PLCH2: variants seen among roughly 807,000 people sequenced by gnomAD.
PLCH2 encodes phospholipase C eta 2.
PLCH2 carries 98 observed loss-of-function variants against 134.7 expected under a neutral mutation model. That is an observed-to-expected ratio of 0.73 (90% CI 0.62 to 0.86). The LOEUF (loss-of-function observed/expected upper bound fraction) is 0.86, where lower values mean the gene tolerates loss of function less well. Ranked by LOEUF, PLCH2 falls within the 40% of genes least tolerant of loss-of-function variation. PLCH2 has a pLI of 0.00. For synonymous variants in PLCH2, 974 were observed against 827.5 expected (o/e 1.18, Z -3.04); for missense variants, 1,994 against 1,986.6 (o/e 1.00, Z -0.07).
chr1:2,419,666 C>T, the PLCH2 span, among the ~76,000 whole-genome samples: 4 of 152,086 alleles, frequency 2.6e-5, no homozygotes, highest in Admixed American at 6.6e-5. Context: ...CAGGGATCCC[C>T]GTGCCTGACC....
At chr1:2,422,318 G>T (rs1365023108), upstream of PLCH2, among the ~76,000 whole-genome samples, 1 of 152,182 alleles carries the variant, frequency 6.6e-6, no homozygotes, top group Non-Finnish European at 1.5e-5. Flanking sequence ...CATGTTAATA[G>T]AAATAACACG....
At chr1:2,459,502 T>TTGCTGGTGG (rs1640686143) in intron 2 of PLCH2, among the ~76,000 whole-genome samples, 1 of 83,686 alleles carries the variant, frequency 1.2e-5, no homozygotes, top group Non-Finnish European at 2.7e-5. Flanking sequence ...GTGGTCCTCC[T>TTGCTGGTGG]TCCTGGTGGT....
Position 2,498,999 on chromosome 1 carries a change from G to A in PLCH2, c.2435-85G>A. The stretch of plus-strand genomic sequence containing the variant: ...AGCAGCACCGGGAGTGGCACTGGGA[G>A]TGGTGTGGGCCGGGGGCTCCAGGCT... On this transcript the variant is annotated intron_variant, in intron 18 of 21. Coordinates refer to ENST00000378486, the MANE Select transcript of PLCH2 (RefSeq NM_014638.4). This position sits in a 1 kb window ranked among gnomAD's most constrained non-coding sequence, Gnocchi z 5.4. 2.7e-6 allele frequency: 4 copies of A among 1,493,038 alleles called. No homozygotes were observed. Among genetic ancestry groups the A allele is most frequent in the Non-Finnish European group, 3.6e-6 (4 of 1,098,428 alleles). The allele number at this position is 1,493,038 out of a possible 1,614,324, so 92.5% of individuals were successfully genotyped here. A position where few individuals can be genotyped will look rare whatever the true frequency, so the allele number is the denominator to read the frequency against.
chr1:2,421,215 G>C (rs1008263992), upstream of PLCH2, among the ~76,000 whole-genome samples: 1 of 152,118 alleles, frequency 6.6e-6, no homozygotes, highest in African/African-American at 2.4e-5. Context: ...AAAGTGCTGG[G>C]GTTACAGACG....
chr1:2,428,899 T>A (rs925610504), intron 1 of PLCH2, among the ~76,000 whole-genome samples: 27 of 152,052 alleles, frequency 1.8e-4, no homozygotes, highest in Non-Finnish European at 2.9e-4. Flanking sequence ...CAGGCTTGGG[T>A]GAGGAGGGAG....
chr1:2,441,566 T>G (rs1400828384), intron 2 of PLCH2, among the ~76,000 whole-genome samples: 1 of 152,202 alleles, frequency 6.6e-6, no homozygotes, highest in Non-Finnish European at 1.5e-5. Flanking sequence ...CCAGACCAGC[T>G]GATGCTGTCA....
intron 2 of PLCH2, among the ~76,000 whole-genome samples, chr1:2,443,142 C>G (rs376996750): frequency 6.6e-6 from 1 of 152,316 alleles, no homozygotes; most frequent in South Asian, 2.1e-4. Context: ...CTCCCTCCCC[C>G]CAGAGGTGGG....
intron 2 of PLCH2, among the ~76,000 whole-genome samples, chr1:2,436,343 CT>C (rs1343941646): frequency 1.1e-4 from 1 of 9,138 alleles, no homozygotes. Flanking sequence ...CTCCCTCCAC[CT>C]TTCCTCCCTT....
At chr1:2,447,686 GGGAGACGCCTGACT>G in intron 2 of PLCH2, among the ~76,000 whole-genome samples, 1 of 152,218 alleles carries the variant, frequency 6.6e-6, no homozygotes, top group East Asian at 1.9e-4. Flanking sequence ...GTTGGGCCCA[GGGAGACGCCTGACT>G]GGAGCTTCAG....
chr1:2,487,660 A>G lies in PLCH2; in HGVS notation c.1177A>G (p.Lys393Glu). 1 of 1,613,482 alleles carries G rather than the reference A, an allele frequency of 6.2e-7. No homozygotes were observed. The highest frequency in any genetic ancestry group is 8.5e-7 in the Non-Finnish European group (1 of 1,179,806). Residue 393 changes from lysine to glutamate, a missense_variant, in exon 8 of 22, where the codon AAG (lysine) becomes GAG (glutamate). Physicochemically the swap from Lys to Glu is moderately conservative, Grantham distance 56 (BLOSUM62 1). This residue lies in a region of PLCH2 where 1,094 missense variants were observed against 1,234.3 expected (regional missense o/e 0.89). Coordinates refer to ENST00000378486, the MANE Select transcript of PLCH2 (RefSeq NM_014638.4). ...IVHHGYTLTS[K>E]ILFKDVIETI... The stretch of plus-strand genomic sequence containing the variant: ...GCACCATGGCTACACTCTGACTTCC[A>G]AGATCCTCTTCAAAGACGTCATTGA...
intron 5 of PLCH2, among the ~76,000 whole-genome samples, chr1:2,485,389 G>A (rs1642233387): frequency 6.6e-6 from 1 of 152,242 alleles, no homozygotes; most frequent in Admixed American, 6.5e-5. Context: ...AGGGATCCAT[G>A]GGAGGGGCTC....
intron 8 of PLCH2, among the ~76,000 whole-genome samples, chr1:2,488,325 C>T (rs181272203): frequency 7.7e-4 from 117 of 152,216 alleles, no homozygotes; most frequent in Admixed American, 2.6e-3. Flanking sequence ...GGCACAGGGG[C>T]GGGGATGGGG....
At chr1:2,440,176 A>G (rs963977756) in intron 2 of PLCH2, among the ~76,000 whole-genome samples, 43 of 152,178 alleles carry the variant, frequency 2.8e-4, no homozygotes, top group African/African-American at 9.9e-4. Flanking sequence ...GGGTGGGTGT[A>G]TTGGAGTGAG....
In PLCH2 at chr1:2,498,821, C is replaced by T. The variant is rs367932697; in HGVS notation, c.2427C>T (p.Asp809=). The T allele has an allele frequency of 1.9e-5, 30 of 1,607,564 alleles. No homozygotes were observed. Among genetic ancestry groups the T allele is most frequent in the African/African-American group, 1.2e-4 (9 of 74,784 alleles). Residue 809 remains aspartate (D), a synonymous_variant, in exon 18 of 22, where the codon GAC becomes GAT. Transcript: ENST00000378486. The surrounding 1 kb of genome is among the most constrained non-coding windows in gnomAD (Gnocchi z 5.4). The stretch of plus-strand genomic sequence containing the variant: ...GCAGGGAGCAGACCCGCGTGGTGGA[C>T]GACAACGGTGAGGCTGGGCCGTGGC... ...DCSREQTRVV[D]DNGFNPTWEE... is the part of the protein sequence containing the mutation.
intron 2 of PLCH2, among the ~76,000 whole-genome samples, chr1:2,456,973 C>T (rs1047646465): frequency 1.3e-5 from 2 of 152,226 alleles, no homozygotes; most frequent in Admixed American, 1.3e-4. Context: ...TAGGCAGGTC[C>T]TCTCTGTCCA....
chr1:2,442,583 C>T (rs1165294181), intron 2 of PLCH2, among the ~76,000 whole-genome samples: 3 of 152,174 alleles, frequency 2.0e-5, no homozygotes, highest in Middle Eastern at 3.2e-3. Context: ...TCAGCTCTGG[C>T]GAGGACCCCC....
At position 2,444,160 on chromosome 1, in the gene PLCH2, T is replaced by C. The variant is rs993504103; in HGVS notation, c.115+13531T>C. ...ACTGTGGGCGGGACGGGCGGAGCGG[T>C]CTTGAGCTCTCCGGATGGCCTCAGG... On this transcript the variant is annotated intron_variant, in intron 2 of 3. Transcript: ENST00000609981. This position sits in a 1 kb window ranked among gnomAD's most constrained non-coding sequence, Gnocchi z 4.6. 1.1e-4 allele frequency among the ~76,000 whole-genome samples: 17 copies of C among 151,972 alleles called. No individual in the cohort carries two copies. The highest frequency in any genetic ancestry group is 4.1e-4 in the African/African-American group (17 of 41,362).
At position 2,429,845 on chromosome 1, in the gene PLCH2, C is replaced by T. The variant is rs1002033855; in HGVS notation, c.-177-493C>T. Among the ~76,000 whole-genome samples the T allele has an allele frequency of 3.3e-5, 5 of 152,286 alleles. No homozygotes were observed. The East Asian group carries it at 5.8e-4, about 18-fold the overall frequency. ...GTGCTGTGAGGGCTGGCAAGTACCT[C>T]CTGTACCCAGCACAGCAGGAGGGGC... is the stretch of plus-strand genomic sequence containing the variant. On this transcript the variant is annotated intron_variant, in intron 1 of 3. Coordinates refer to the PLCH2 transcript ENST00000609981.
Position 2,499,068 on chromosome 1 carries a change from G to T in PLCH2, c.2435-16G>T. ...GCCCTCCCCATGGGACACTCCTCCT[G>T]GCGCTGCTTCCCCAGGGTTCAACCC... is the stretch of plus-strand genomic sequence containing the variant. On this transcript the variant is annotated splice_polypyrimidine_tract_variant and intron_variant, in intron 18 of 21. Coordinates refer to ENST00000378486, the MANE Select transcript of PLCH2 (RefSeq NM_014638.4). 6.2e-7 allele frequency: 1 copy of T among 1,602,930 alleles called. No homozygotes were observed.
Sources: allele counts gnomAD v4.1 joint callset (sites outside exome capture counted in the v4.1 genomes callset), GRCh38; gene constraint gnomAD v4.1.1; regional missense constraint gnomAD v4.1.1; non-coding constraint Gnocchi (gnomAD v3.1); transcripts MANE v1.5; gene names NCBI Gene and HGNC (gene_info 2026-07-23, HGNC 2026-07-21).